ANO3: variants seen among roughly 807,000 people sequenced by gnomAD.
ANO3 encodes the protein anoctamin 3, also known as anoctamin-3.
ANO3 carries 99 observed loss-of-function variants against 144.8 expected under a neutral mutation model. The observed-to-expected ratio is 0.68, with a 90% CI of 0.58 to 0.81. ANO3 has a LOEUF of 0.81. ANO3 is among the 30% of genes least tolerant of loss of function. The pLI, the probability that ANO3 is intolerant of heterozygous loss-of-function variation, is 0.00. For missense variants in ANO3, 905 were observed against 1,202.2 expected, an observed-to-expected ratio of 0.75 and a Z score of 3.66; for synonymous variants, 414 against 392.6, an observed-to-expected ratio of 1.05 and a Z score of -0.64.
intron 1 of ANO3, among the ~76,000 whole-genome samples, chr11:26,232,290 AGCAAGACGTGCTCAGG>A (rs1377391112): frequency 1.3e-5 from 2 of 152,196 alleles, no homozygotes; most frequent in African/African-American, 4.8e-5. Context: ...TGGTAGGAAC[AGCAAGACGTGCTCAGG>A]GCATCTATCA....
intron 1 of ANO3, among the ~76,000 whole-genome samples, chr11:26,434,704 GTT>G (rs1174750760): frequency 6.6e-6 from 1 of 152,072 alleles, no homozygotes; most frequent in Non-Finnish European, 1.5e-5. Flanking sequence ...CAGGAAAATG[GTT>G]GTTTAATTTT....
At chr11:26,624,411 C>G (rs1311590443) in intron 17 of ANO3, 51 bp from the exon 18 acceptor site, 1 of 1,362,616 alleles carries the variant, frequency 7.3e-7, no homozygotes, top group Non-Finnish European at 1.0e-6. Context: ...AAATACCAGC[C>G]TTTTCCAAAA....
chr11:26,290,505 G>A (rs1436656614), intron 1 of ANO3, among the ~76,000 whole-genome samples: 1 of 152,144 alleles, frequency 6.6e-6, no homozygotes, highest in Admixed American at 6.5e-5. Flanking sequence ...TGATGTTAGG[G>A]TGTCAATTTT....
intron 10 of ANO3, among the ~76,000 whole-genome samples, chr11:26,538,442 G>A (rs1288748211): frequency 1.3e-5 from 2 of 152,104 alleles, no homozygotes; most frequent in African/African-American, 4.8e-5. Flanking sequence ...CCGTTATTCT[G>A]AACATAACCC....
At chr11:26,262,024 G>A (rs531817746) in intron 1 of ANO3, among the ~76,000 whole-genome samples, 18 of 152,252 alleles carry the variant, frequency 1.2e-4, no homozygotes, top group South Asian at 2.1e-4. Flanking sequence ...CAGTATCATC[G>A]TCTGTGATAG....
intron 3 of ANO3, among the ~76,000 whole-genome samples, chr11:26,459,767 A>C (rs761424015): frequency 6.6e-6 from 1 of 152,100 alleles, no homozygotes; most frequent in Non-Finnish European, 1.5e-5. Context: ...TTAAGTTAAA[A>C]GAATTTGGTG....
intron 4 of ANO3, among the ~76,000 whole-genome samples, chr11:26,484,480 A>T (rs1323814925): frequency 3.3e-5 from 5 of 152,132 alleles, no homozygotes; most frequent in African/African-American, 9.7e-5. Flanking sequence ...AGAGGGCAAG[A>T]GTTGAGGCTT....
At chr11:26,552,097 C>T (rs944308040) in intron 12 of ANO3, among the ~76,000 whole-genome samples, 34 of 151,958 alleles carry the variant, frequency 2.2e-4, no homozygotes, top group African/African-American at 8.0e-4. Flanking sequence ...TGAGCAAGTT[C>T]CTTAAATTGA....
chr11:26,292,178 G>A (rs1853973868), intron 1 of ANO3, among the ~76,000 whole-genome samples: 2 of 151,368 alleles, frequency 1.3e-5, no homozygotes, highest in Admixed American at 1.3e-4. Context: ...ATCACTGATA[G>A]CCTTTCTTCC....
rs1284318156 is a variant in ANO3 at position 26,270,269 on chromosome 11, C to T, written c.155-39376C>T. On this transcript the variant is annotated intron_variant, in intron 1 of 27. Transcript: ENST00000672621. ...TCACTTTTGCCAAATGATTTAACAACTCCTAAATGTCCTGAAGATAATATT... is the reference window on the plus strand; with the variant it reads ...TCACTTTTGCCAAATGATTTAACAATTCCTAAATGTCCTGAAGATAATATT... 2.0e-5 allele frequency among the ~76,000 whole-genome samples: 3 copies of T among 152,134 alleles called. No individual in the cohort carries two copies. The East Asian group carries it at 5.8e-4, about 29-fold the overall frequency.
intron 1 of ANO3, among the ~76,000 whole-genome samples, chr11:26,336,502 G>A (rs1321232764): frequency 6.6e-6 from 1 of 152,148 alleles, no homozygotes; most frequent in Non-Finnish European, 1.5e-5. Context: ...ACAGTCTAAA[G>A]TATTTTCTTT....
At chr11:26,407,075 T>TAC (rs1224541516) in intron 1 of ANO3, among the ~76,000 whole-genome samples, 1 of 134,152 alleles carries the variant, frequency 7.5e-6, no homozygotes, top group Non-Finnish European at 1.6e-5. Context: ...TGTGTGTGTG[T>TAC]GTATATATAT....
At chr11:26,615,550 T>C (rs1852234230) in intron 17 of ANO3, among the ~76,000 whole-genome samples, 1 of 152,004 alleles carries the variant, frequency 6.6e-6, no homozygotes, top group African/African-American at 2.4e-5. Context: ...AATTTCTGGA[T>C]CTTTTAAATG....
intron 1 of ANO3, among the ~76,000 whole-genome samples, chr11:26,335,693 T>A (rs1334722924): frequency 2.0e-5 from 3 of 152,214 alleles, no homozygotes; most frequent in African/African-American, 7.2e-5. Flanking sequence ...CTGTGCTTAA[T>A]AATAGCATTA....
chr11:26,599,126 C>T lies in ANO3; in HGVS notation c.1671+128C>T, dbSNP rs373658447. On this transcript the variant is annotated intron_variant, in intron 16 of 26. Transcript: ENST00000256737. ...TATTCTTTCCAACAACTTGGTAACA[C>T]GTACAATTAAACAAACAAATCACAA... 36 of 970,356 alleles carry T rather than the reference C, an allele frequency of 3.7e-5. 1 individual carries two copies. Among genetic ancestry groups the T allele is most frequent in the Non-Finnish European group, 4.7e-5 (30 of 644,676 alleles). The allele number at this position is 970,356 out of a possible 1,614,324, so 60.1% of individuals were successfully genotyped here.
intron 1 of ANO3, among the ~76,000 whole-genome samples, chr11:26,301,688 C>T (rs561511738): frequency 4.6e-5 from 7 of 152,250 alleles, no homozygotes; most frequent in African/African-American, 1.7e-4. Flanking sequence ...ATGTTAAGTT[C>T]AGGTAAAAGA....
At chr11:26,453,878 C>A (rs369973013) in intron 3 of ANO3, among the ~76,000 whole-genome samples, 12 of 151,060 alleles carry the variant, frequency 7.9e-5, no homozygotes, top group African/African-American at 2.4e-4. Flanking sequence ...ATAACAAACT[C>A]CCGGACCACA....
At chr11:26,442,343 T>A (rs2134024227) in intron 2 of ANO3, among the ~76,000 whole-genome samples, 1 of 152,300 alleles carries the variant, frequency 6.6e-6, no homozygotes, top group Middle Eastern at 3.4e-3. Context: ...TTGTTTGCAG[T>A]GGAAGTCCCA....
chr11:26,530,897 A>G (rs1041147923), intron 7 of ANO3, among the ~76,000 whole-genome samples: 9 of 151,808 alleles, frequency 5.9e-5, no homozygotes, highest in African/African-American at 2.2e-4. Flanking sequence ...AAACAAAAAC[A>G]AAAAATCTCT....
Sources: gnomAD v4.1 joint callset for allele counts (sites outside exome capture counted in the v4.1 genomes callset) on GRCh38, gnomAD v4.1.1 for gene constraint, MANE v1.5 for transcripts, NCBI Gene and HGNC (gene_info 2026-07-23, HGNC 2026-07-21) for gene names.